UGT2B10: variants seen among roughly 807,000 people sequenced by gnomAD.
UGT2B10 encodes the protein UDP glucuronosyltransferase family 2 member B10.
UGT2B10 carries 51 observed loss-of-function variants against 43.7 expected under a neutral mutation model. The observed-to-expected ratio is 1.17, with a 90% CI of 0.93 to 1.47. The LOEUF (loss-of-function observed/expected upper bound fraction) is 1.47, where lower values mean the gene tolerates loss of function less well. Among genes scored for constraint, UGT2B10 ranks in the 40% most tolerant of loss-of-function variants. The probability of loss-of-function intolerance (pLI) is 0.00; values close to 1 mark genes in which losing one functional copy is unlikely to be tolerated. For missense variants in UGT2B10, 696 were observed against 617.7 expected (o/e 1.13, Z -1.34); for synonymous variants, 225 against 209.0 (o/e 1.08, Z -0.66).
intron 2 of UGT2B10, among the ~76,000 whole-genome samples, chr4:68,821,877 T>C (rs1276538771): frequency 1.4e-4 from 11 of 79,212 alleles, no homozygotes; most frequent in Admixed American, 6.7e-4. Flanking sequence ...AGTGATTTAG[T>C]AGAACAAAAA....
In UGT2B10 at chr4:68,831,146, T is replaced by C. The variant is rs1231053161; in HGVS notation, c.*267T>C. 3 of 418,454 alleles carry C rather than the reference T, an allele frequency of 7.2e-6. No homozygotes were observed. The highest frequency in any genetic ancestry group is 4.2e-5 in the Admixed American group (1 of 23,788). The allele number at this position is 418,454 out of a possible 1,614,324, so 25.9% of individuals were successfully genotyped here. On this transcript the variant is annotated 3_prime_UTR_variant, in exon 6 of 6. Coordinates refer to ENST00000265403, the MANE Select transcript of UGT2B10 (RefSeq NM_001075.6). ...CTTGTATTGAAATTTGTTGCACTTA[T>C]ATTGAAATGTGATCATGGCTCACTT...
chr4:68,816,253 A>G lies in UGT2B10; in HGVS notation c.234A>G (p.Thr78=), dbSNP rs762687984. The change falls in exon 1 of 6, where the codon ACA becomes ACG. Residue 78 remains threonine, a synonymous_variant. Transcript: ENST00000265403. ...CTCTTAAACTTGAAGTTTATCCTAC[A>G]TCTTTAACTAAAACTGAATTTGAGA... ...SSTLKLEVYP[T]SLTKTEFENI... The G allele has an allele frequency of 8.7e-6, 14 of 1,613,114 alleles. No homozygotes were observed. The East Asian group carries it at 3.1e-4, about 36-fold the overall frequency.
At position 68,818,164 on chromosome 4, in the gene UGT2B10, A is replaced by G. The variant is rs376282977; in HGVS notation, c.854A>G (p.Lys285Arg). The G allele has an allele frequency of 8.7e-6, 14 of 1,609,576 alleles. No homozygotes were observed. The African/African-American group carries it at 1.1e-4, about 12-fold the overall frequency. ...GGAGGACTCCACTGCAAACCTGCCA[A>G]ACCCCTACCTAAGGTAAACATACTT... ...FVGGLHCKPA[K>R]PLPKEMEEFV... The change falls in exon 2 of 6, where the codon AAA (lysine) becomes AGA (arginine). Residue 285 changes from lysine to arginine, a missense_variant. By Grantham distance (26) the Lys-to-Arg change is conservative (BLOSUM62 2). Coordinates refer to ENST00000265403, the MANE Select transcript of UGT2B10 (RefSeq NM_001075.6).
chr4:68,826,949 T>C (rs115176631), intron 4 of UGT2B10, among the ~76,000 whole-genome samples: 3,082 of 152,194 alleles, frequency 0.02, 120 homozygotes, highest in African/African-American at 0.07. Context: ...CTTTCCTCAA[T>C]CTTAGCACCA....
Position 68,818,067 on chromosome 4 carries a change from G to A in UGT2B10, c.757G>A (p.Asp253Asn), listed in dbSNP as rs1265079326. The A allele has an allele frequency of 6.2e-7, 1 of 1,611,320 alleles. No individual in the cohort carries two copies. The highest frequency in any genetic ancestry group is 8.5e-7 in the Non-Finnish European group (1 of 1,178,444). ...ATTATCTGAGACAATGAGGAAAGCTGACATATGGCTTATGCGAAACTCCTG... is the reference window on the plus strand; with the variant it reads ...ATTATCTGAGACAATGAGGAAAGCTAACATATGGCTTATGCGAAACTCCTG... ...TTLSETMRKA[D>N]IWLMRNSWNF... is the part of the protein sequence containing the mutation. The change falls in exon 2 of 6, where the codon GAC (aspartate) becomes AAC (asparagine). Residue 253 changes from aspartate to asparagine, a missense_variant. Coordinates refer to ENST00000265403, the MANE Select transcript of UGT2B10 (RefSeq NM_001075.6).
rs201775293 is a variant in UGT2B10 at position 68,830,620 on chromosome 4, A to G, written c.1328A>G (p.Lys443Arg). 3.5e-4 allele frequency: 560 copies of G among 1,612,412 alleles called. No homozygotes were observed. The highest frequency in any genetic ancestry group is 4.4e-4 in the Non-Finnish European group (517 of 1,179,190). ...TTCAGATATAAAGAGAATATTATGAAATTATCAAGAATTCAACATGATCAA... is the reference window on the plus strand; with the variant it reads ...TTCAGATATAAAGAGAATATTATGAGATTATCAAGAATTCAACATGATCAA... Reference protein sequence around the residue: ...NDPSYKENIMKLSRIQHDQPV... With the variant: ...NDPSYKENIMRLSRIQHDQPV... Residue 443 changes from lysine (K) to arginine (R), a missense_variant, in exon 6 of 6, where the codon AAA (lysine) becomes AGA (arginine). By Grantham distance (26) the Lys-to-Arg change is conservative (BLOSUM62 2). Coordinates refer to ENST00000265403, the MANE Select transcript of UGT2B10 (RefSeq NM_001075.6).
intron 3 of UGT2B10, among the ~76,000 whole-genome samples, chr4:68,823,677 A>AC (rs1421975858): frequency 2.0e-5 from 3 of 152,144 alleles, no homozygotes; most frequent in Non-Finnish European, 2.9e-5. Flanking sequence ...TAAGTTTTTA[A>AC]AATTTTTTAA....
chr4:68,831,699 CT>C lies in UGT2B10; in HGVS notation c.*822del, dbSNP rs1231940109. The stretch of plus-strand genomic sequence containing the variant: ...TGATTAGTTTTTCTTCCAAAGCTCT[CT>C]TGTTTCTAGTTGTTTTCTTGGTCTT... On this transcript the variant is annotated 3_prime_UTR_variant, in exon 6 of 6. Transcript: ENST00000265403. Among the ~76,000 whole-genome samples, 2 of 152,090 alleles carry C rather than the reference CT, an allele frequency of 1.3e-5. No individual in the cohort carries two copies. Among genetic ancestry groups the C allele is most frequent in the Non-Finnish European group, 2.9e-5 (2 of 68,006 alleles).
At chr4:68,822,230 G>C in intron 2 of UGT2B10, 41 bp from the exon 3 acceptor site, 2 of 1,604,884 alleles carry the variant, frequency 1.2e-6, no homozygotes, top group Non-Finnish European at 1.7e-6. Context: ...CTGCTGTGGT[G>C]ATACTCTTTT....
chr4:68,827,538 A>C lies in UGT2B10; in HGVS notation c.1297A>C (p.Asn433His). Reference protein sequence around the residue: ...DLLNALKTVINDPSYKENIMK... With the variant: ...DLLNALKTVIHDPSYKENIMK... ...GCTGAATGCACTGAAGACAGTAATTAATGATCCTTCGTGAGTAGAACAATA... is the reference window on the plus strand; with the variant it reads ...GCTGAATGCACTGAAGACAGTAATTCATGATCCTTCGTGAGTAGAACAATA... Residue 433 changes from asparagine to histidine, a missense_variant, in exon 5 of 6, where the codon AAT (asparagine) becomes CAT (histidine). By Grantham distance (68) the Asn-to-His change is moderately conservative. Transcript: ENST00000265403. The C allele has an allele frequency of 1.2e-6, 2 of 1,613,280 alleles. No individual in the cohort carries two copies. Among genetic ancestry groups the C allele is most frequent in the South Asian group, 1.1e-5 (1 of 91,064 alleles).
Position 68,831,702 on chromosome 4 carries a change from G to A in UGT2B10, c.*823G>A, listed in dbSNP as rs1461781296. Among the ~76,000 whole-genome samples, 1 of 151,938 alleles carries A rather than the reference G, an allele frequency of 6.6e-6. No individual in the cohort carries two copies. The highest frequency in any genetic ancestry group is 6.6e-5 in the Admixed American group (1 of 15,218). On this transcript the variant is annotated 3_prime_UTR_variant, in exon 6 of 6. Coordinates refer to ENST00000265403, the MANE Select transcript of UGT2B10 (RefSeq NM_001075.6). ...TTAGTTTTTCTTCCAAAGCTCTCTT[G>A]TTTCTAGTTGTTTTCTTGGTCTTAA...
intron 3 of UGT2B10, among the ~76,000 whole-genome samples, chr4:68,823,210 A>G (rs1475284252): frequency 1.3e-5 from 2 of 152,134 alleles, no homozygotes; most frequent in African/African-American, 4.8e-5. Flanking sequence ...TCCTGTGATT[A>G]AAAGTGTAAA....
intron 5 of UGT2B10, among the ~76,000 whole-genome samples, chr4:68,828,648 G>A (rs116617571): frequency 0.064 from 9,759 of 151,738 alleles, 574 homozygotes; most frequent in African/African-American, 0.15. Context: ...GACATAAAAC[G>A]TTTGAAGAAC....
chr4:68,817,075 A>G (rs935223392), intron 1 of UGT2B10, among the ~76,000 whole-genome samples: 1 of 151,836 alleles, frequency 6.6e-6, no homozygotes, highest in Non-Finnish European at 1.5e-5. Flanking sequence ...ATCTAACCGA[A>G]TGCATAGATT....
chr4:68,817,392 T>C (rs1737265997), intron 1 of UGT2B10, among the ~76,000 whole-genome samples: 1 of 151,802 alleles, frequency 6.6e-6, no homozygotes, highest in Non-Finnish European at 1.5e-5. Context: ...TGTCTCTTTA[T>C]TTAAAAATAC....
chr4:68,819,774 GA>G (rs1023959111), intron 2 of UGT2B10, among the ~76,000 whole-genome samples: 2 of 151,506 alleles, frequency 1.3e-5, no homozygotes, highest in South Asian at 4.2e-4. Flanking sequence ...ATTTCAATAC[GA>G]AAAAAAATTC....
chr4:68,823,962 C>G (rs1398506519), intron 3 of UGT2B10, among the ~76,000 whole-genome samples: 2 of 152,036 alleles, frequency 1.3e-5, no homozygotes, highest in African/African-American at 4.8e-5. Context: ...GTCATTTGAC[C>G]CTTTTGTTTA....
chr4:68,825,292 T>C (rs1339038279), intron 3 of UGT2B10, among the ~76,000 whole-genome samples: 1 of 151,078 alleles, frequency 6.6e-6, no homozygotes, highest in Non-Finnish European at 1.5e-5. Context: ...TAATTTTTTA[T>C]ACTTTTTTTA....
intron 2 of UGT2B10, 144 bp downstream of exon 2, chr4:68,818,321 T>A: frequency 7.2e-7 from 1 of 1,394,604 alleles, no homozygotes; most frequent in Non-Finnish European, 9.7e-7. Context: ...GAAACTCATG[T>A]ACATGTTAAT....
Sources: gnomAD v4.1 joint callset for allele counts (sites outside exome capture counted in the v4.1 genomes callset) on GRCh38, gnomAD v4.1.1 for gene constraint, MANE v1.5 for transcripts, NCBI Gene and HGNC (gene_info 2026-07-23, HGNC 2026-07-21) for gene names.